BMPER: variants seen among roughly 807,000 people sequenced by gnomAD.
The protein encoded by BMPER is BMP binding endothelial regulator.
Under a neutral mutation model 87.3 loss-of-function variants are expected in BMPER, and 45 were observed. The observed-to-expected ratio is 0.52, with a 90% CI of 0.41 to 0.66. The LOEUF is 0.66. BMPER is among the 30% of genes least tolerant of loss of function. BMPER has a pLI of 0.00. For missense variants in BMPER, 784 were observed against 867.5 expected (o/e 0.90, Z 1.21); for synonymous variants, 326 against 316.2 (o/e 1.03, Z -0.33).
intron 6 of BMPER, among the ~76,000 whole-genome samples, chr7:33,991,142 G>A (rs1786204104): frequency 6.8e-6 from 1 of 147,304 alleles, no homozygotes; most frequent in South Asian, 2.2e-4. Flanking sequence ...AAATGAGTTA[G>A]GGAGGATTCC....
At chr7:34,034,895 A>T (rs1007157856) in intron 6 of BMPER, among the ~76,000 whole-genome samples, 4 of 152,086 alleles carry the variant, frequency 2.6e-5, no homozygotes, top group Non-Finnish European at 4.4e-5. Context: ...ATTTTCTCTC[A>T]GGAGAAGCCG....
intron 13 of BMPER, among the ~76,000 whole-genome samples, chr7:34,099,841 T>C (rs1173751480): frequency 6.6e-6 from 1 of 152,174 alleles, no homozygotes; most frequent in Admixed American, 6.5e-5. Flanking sequence ...ATGTTCTCAA[T>C]TGATGTGTTA....
intron 6 of BMPER, among the ~76,000 whole-genome samples, chr7:34,016,764 A>G (rs963172164): frequency 7.9e-5 from 12 of 151,956 alleles, no homozygotes; most frequent in Non-Finnish European, 2.9e-5. Flanking sequence ...TTTGTTTTGT[A>G]ACTGCCCTGA....
At chr7:34,102,292 T>A (rs1486093340) in intron 13 of BMPER, among the ~76,000 whole-genome samples, 2 of 152,174 alleles carry the variant, frequency 1.3e-5, no homozygotes, top group Non-Finnish European at 2.9e-5. Context: ...AGCCTCATGC[T>A]CCTCATTGGT....
At chr7:33,973,017 A>G (rs1291510777) in intron 5 of BMPER, among the ~76,000 whole-genome samples, 1 of 152,218 alleles carries the variant, frequency 6.6e-6, no homozygotes, top group Non-Finnish European at 1.5e-5. Flanking sequence ...TATTCTGTGT[A>G]ATGACAAACA....
chr7:33,962,889 C>T (rs1785307761), intron 3 of BMPER, among the ~76,000 whole-genome samples: 1 of 151,864 alleles, frequency 6.6e-6, no homozygotes, highest in Non-Finnish European at 1.5e-5. Flanking sequence ...GTCACTTACT[C>T]TTTTATTTAA....
chr7:34,085,703 T>A, intron 12 of BMPER, 53 bp from the exon 13 acceptor site: 1 of 1,479,570 alleles, frequency 6.8e-7, no homozygotes, highest in East Asian at 2.3e-5. Flanking sequence ...CATTTGGGAA[T>A]TATTAGTGCG....
At chr7:34,075,585 C>T (rs898089623) in intron 11 of BMPER, among the ~76,000 whole-genome samples, 1 of 152,158 alleles carries the variant, frequency 6.6e-6, no homozygotes, top group Admixed American at 6.5e-5. Context: ...ATCTTTCTCC[C>T]CATCTTCTGA....
chr7:33,997,557 T>C (rs1786448593), intron 6 of BMPER, among the ~76,000 whole-genome samples: 1 of 152,228 alleles, frequency 6.6e-6, no homozygotes, highest in African/African-American at 2.4e-5. Context: ...GCCATGATTG[T>C]AGGTTTCCTG....
At chr7:33,908,454 C>T (rs1212607984) in intron 2 of BMPER, among the ~76,000 whole-genome samples, 1 of 152,162 alleles carries the variant, frequency 6.6e-6, no homozygotes, top group Non-Finnish European at 1.5e-5. Flanking sequence ...GCATTCCCCC[C>T]TTTTCAGTAC....
chr7:34,076,679 C>T (rs1271765528), intron 11 of BMPER, among the ~76,000 whole-genome samples: 1 of 151,994 alleles, frequency 6.6e-6, no homozygotes, highest in Admixed American at 6.6e-5. Flanking sequence ...TGTAGAAGAG[C>T]GTTAGGGTAT....
intron 13 of BMPER, among the ~76,000 whole-genome samples, chr7:34,089,761 G>A (rs1245001649): frequency 1.3e-5 from 2 of 152,132 alleles, no homozygotes; most frequent in Non-Finnish European, 2.9e-5. Context: ...TGGGATTACA[G>A]GTGTGAGCCA....
At chr7:34,027,797 ATC>A (rs888885722) in intron 6 of BMPER, among the ~76,000 whole-genome samples, 90 of 152,124 alleles carry the variant, frequency 5.9e-4, no homozygotes, top group African/African-American at 1.5e-3. Flanking sequence ...AAAAATTTTT[ATC>A]TCTCTTTGTG....
chr7:34,045,846 G>C (rs1480157357), intron 6 of BMPER, among the ~76,000 whole-genome samples: 1 of 152,128 alleles, frequency 6.6e-6, no homozygotes, highest in South Asian at 2.1e-4. Context: ...TGGAAGATAG[G>C]AGGAAAAGTC....
chr7:34,132,603 A>G (rs1411447347), intron 13 of BMPER, among the ~76,000 whole-genome samples: 2 of 152,222 alleles, frequency 1.3e-5, no homozygotes, highest in Non-Finnish European at 2.9e-5. Flanking sequence ...TGGGAGTAGA[A>G]TTATGATGAG....
At chr7:34,017,248 G>A (rs1787049810) in intron 6 of BMPER, among the ~76,000 whole-genome samples, 1 of 151,872 alleles carries the variant, frequency 6.6e-6, no homozygotes, top group Non-Finnish European at 1.5e-5. Context: ...AATGATGAGT[G>A]TATTGGTCTG....
At chr7:34,080,899 C>T (rs1789025796) in intron 12 of BMPER, among the ~76,000 whole-genome samples, 1 of 152,046 alleles carries the variant, frequency 6.6e-6, no homozygotes, top group Non-Finnish European at 1.5e-5. Flanking sequence ...TAAAAATGAG[C>T]AAAAGGATGA....
chr7:33,968,463 T>C (rs893713606), intron 4 of BMPER, among the ~76,000 whole-genome samples: 4 of 152,162 alleles, frequency 2.6e-5, no homozygotes, highest in Non-Finnish European at 5.9e-5. Context: ...GCAACCTCTC[T>C]TTGCATGCTC....
intron 6 of BMPER, among the ~76,000 whole-genome samples, chr7:34,015,149 G>A (rs1185284201): frequency 6.6e-6 from 1 of 151,956 alleles, no homozygotes; most frequent in Non-Finnish European, 1.5e-5. Context: ...AAGTAAAGGT[G>A]AGTCGACTGT....
Sources: allele counts gnomAD v4.1 joint callset (sites outside exome capture counted in the v4.1 genomes callset), GRCh38; gene constraint gnomAD v4.1.1; transcripts MANE v1.5; gene names NCBI Gene and HGNC (gene_info 2026-07-23, HGNC 2026-07-21).